Variants in RARA observed in about 807,000 individuals in gnomAD.
RARA encodes the protein retinoic acid receptor alpha, also known as PML-DDX5-RARA fusion.
In RARA, 5 loss-of-function variants were observed where a neutral mutation model predicts 42.8. The ratio of observed to expected loss-of-function variants is 0.12; its 90% confidence interval spans 0.06 to 0.25. The LOEUF is 0.25. Among genes scored for constraint, RARA ranks in the 10% least tolerant of loss-of-function variants. The pLI is 1.00. For missense variants in RARA, 402 were observed against 628.7 expected, an observed-to-expected ratio of 0.64 and a Z score of 3.86; for synonymous variants, 256 against 259.5, an observed-to-expected ratio of 0.99 and a Z score of 0.13.
At position 40,356,906 on chromosome 17, in the gene RARA, T is replaced by C; in HGVS notation, c.*680T>C. On this transcript the variant is annotated 3_prime_UTR_variant, in exon 9 of 9. Transcript: ENST00000254066. ...GGAAGGGGCCCCCACTCTCCTTTCATGTCCCTGTGCCCCCCAGTTCTCCTC... is the reference window on the plus strand; with the variant it reads ...GGAAGGGGCCCCCACTCTCCTTTCACGTCCCTGTGCCCCCCAGTTCTCCTC... 1 of 413,392 alleles carries C rather than the reference T, an allele frequency of 2.4e-6. No homozygotes were observed. Among genetic ancestry groups the C allele is most frequent in the Non-Finnish European group, 4.5e-6 (1 of 222,586 alleles). The allele number at this position is 413,392 out of a possible 1,614,324, so 25.6% of individuals were successfully genotyped here. A position where few individuals can be genotyped will look rare whatever the true frequency, so the allele number is the denominator to read the frequency against.
At chr17:40,313,823 C>G (rs146684104) in intron 1 of RARA, among the ~76,000 whole-genome samples, 1 of 152,214 alleles carries the variant, frequency 6.6e-6, no homozygotes, top group African/African-American at 2.4e-5. Flanking sequence ...GCTGATTTAT[C>G]ATACCCCCCA....
Position 40,351,994 on chromosome 17 carries a change from G to C in RARA, c.554G>C (p.Gly185Ala). 1 of 1,603,618 alleles carries C rather than the reference G, an allele frequency of 6.2e-7. No individual in the cohort carries two copies. The highest frequency in any genetic ancestry group is 8.5e-7 in the Non-Finnish European group (1 of 1,176,818). Residue 185 changes from glycine to alanine, a missense_variant, in exon 5 of 9, where the codon GGG becomes GCG. By Grantham distance (60) the Gly-to-Ala change is moderately conservative (BLOSUM62 0). This residue lies in a region of RARA where 130 missense variants were observed against 267.9 expected (regional missense o/e 0.49). Transcript: ENST00000254066. The surrounding 1 kb of genome is among the most constrained non-coding windows in gnomAD (Gnocchi z 4.1). ...AGCTACACGCTGACGCCGGAGGTGG[G>C]GGAGCTCATTGAGAAGGTGCGCAAA... ...SESYTLTPEV[G>A]ELIEKVRKAH... is the part of the protein sequence containing the mutation.
rs564112790 is a variant in RARA, at chr17:40,345,775, C to A, written c.179-2541C>A. Among the ~76,000 whole-genome samples, 75 of 152,322 alleles carry A rather than the reference C, an allele frequency of 4.9e-4. No homozygotes were observed. Among genetic ancestry groups the A allele is most frequent in the Non-Finnish European group, 9.7e-4 (66 of 68,016 alleles). On this transcript the variant is annotated intron_variant, in intron 2 of 8. Transcript: ENST00000254066. The surrounding 1 kb of genome is among the most constrained non-coding windows in gnomAD (Gnocchi z 4.8). Reference sequence around the variant, plus strand: ...TCCCTCCCCCGTTGGTGTCCCTCCCCACTCCACCTGTGTGTGCAGGGAGTT... The same window carrying A: ...TCCCTCCCCCGTTGGTGTCCCTCCCAACTCCACCTGTGTGTGCAGGGAGTT...
intron 2 of RARA, among the ~76,000 whole-genome samples, chr17:40,332,040 G>C (rs2033708198): frequency 6.6e-6 from 1 of 152,228 alleles, no homozygotes; most frequent in South Asian, 2.1e-4. Context: ...GGTCTTGGCA[G>C]GGCCTGTGTT....
In RARA at chr17:40,352,076, G is replaced by T. The variant is rs746638447; in HGVS notation, c.630+6G>T. ...AGCTGGGCAAATACACTACGGTATG[G>T]CTTTCCCCCGGCCTGCAGGGTGGGA... On this transcript the variant is annotated splice_donor_region_variant and intron_variant, in intron 5 of 8. Transcript: ENST00000254066. The surrounding 1 kb of genome is among the most constrained non-coding windows in gnomAD (Gnocchi z 4.9). The T allele has an allele frequency of 5.1e-6, 8 of 1,558,576 alleles. No homozygotes were observed. The South Asian group carries it at 8.4e-5, about 16-fold the overall frequency.
chr17:40,349,615 C>A, intron 3 of RARA, 169 bp from the exon 4 acceptor site: 1 of 775,804 alleles, frequency 1.3e-6, no homozygotes. Context: ...GAGGAGGATC[C>A]TTTTAGGTGA....
In RARA at chr17:40,355,145, TG is replaced by T. The variant is rs995625212; in HGVS notation, c.1013-114del. 7.8e-7 allele frequency: 1 copy of T among 1,282,282 alleles called. No homozygotes were observed. The highest frequency in any genetic ancestry group is 1.1e-6 in the Non-Finnish European group (1 of 948,560). 79.4% of individuals were successfully genotyped at this position (1,282,282 alleles called of 1,614,324 possible). On this transcript the variant is annotated intron_variant, in intron 7 of 8. Coordinates refer to ENST00000254066, the MANE Select transcript of RARA (RefSeq NM_000964.4). This position sits in a 1 kb window ranked among gnomAD's most constrained non-coding sequence, Gnocchi z 4.1. ...CAGAGACCCCATGCCCTGCCCTGTG[TG>T]GGGAGGCGCCTGCGAGCTGCCCTCC... is the stretch of plus-strand genomic sequence containing the variant.
Position 40,351,945 on chromosome 17 carries a change from G to T in RARA, c.505G>T (p.Val169Leu), listed in dbSNP as rs1437236573. 1 of 1,612,466 alleles carries T rather than the reference G, an allele frequency of 6.2e-7. No individual in the cohort carries two copies. Among genetic ancestry groups the T allele is most frequent in the Non-Finnish European group, 8.5e-7 (1 of 1,179,458 alleles). The part of the protein sequence containing the change: ...RNDRNKKKKE[V>L]PKPECSESYT... ...CGACCGAAACAAGAAGAAGAAGGAGGTGCCCAAGCCCGAGTGCTCTGAGAG... is the reference window on the plus strand; with the variant it reads ...CGACCGAAACAAGAAGAAGAAGGAGTTGCCCAAGCCCGAGTGCTCTGAGAG... The change falls in exon 5 of 9, where the codon GTG becomes TTG. Residue 169 changes from valine to leucine, a missense_variant. Val to Leu is a conservative substitution (Grantham distance 32). Transcript: ENST00000254066. This position sits in a 1 kb window ranked among gnomAD's most constrained non-coding sequence, Gnocchi z 4.1.
intron 1 of RARA, among the ~76,000 whole-genome samples, chr17:40,319,300 G>A (rs1473036812): frequency 6.6e-6 from 1 of 152,064 alleles, no homozygotes; most frequent in Non-Finnish European, 1.5e-5. Flanking sequence ...GTGGGGATGG[G>A]GACCAACTAA....
chr17:40,350,080 G>C, intron 4 of RARA, 155 bp downstream of exon 4: 1 of 1,215,296 alleles, frequency 8.2e-7, no homozygotes. Flanking sequence ...TTTGTGTGTA[G>C]CTGCAAGGAC....
chr17:40,342,569 C>T (rs2034103578), intron 2 of RARA: 2 of 1,378,288 alleles, frequency 1.5e-6, no homozygotes, highest in Middle Eastern at 2.7e-4. Flanking sequence ...GGGGGCGCCC[C>T]CTGCCCGGGT....
chr17:40,319,742 C>A lies in RARA; in HGVS notation c.-363+10456C>A, dbSNP rs2033319418. ...TCAGGCCCCAAACTCTCCTACAGGG[C>A]TCCATGAAGAGGCTGTGCCGGGGAA... On this transcript the variant is annotated intron_variant, in intron 1 of 8. Coordinates refer to ENST00000254066, the MANE Select transcript of RARA (RefSeq NM_000964.4). 2.0e-5 allele frequency among the ~76,000 whole-genome samples: 3 copies of A among 152,230 alleles called. No individual in the cohort carries two copies. The South Asian group carries it at 6.2e-4, about 31-fold the overall frequency.
intron 1 of RARA, among the ~76,000 whole-genome samples, chr17:40,312,465 C>G (rs945046117): frequency 6.6e-6 from 1 of 152,236 alleles, no homozygotes; most frequent in Non-Finnish European, 1.5e-5. Flanking sequence ...CTTTGGGCAG[C>G]TGTGGGCGAG....
At chr17:40,334,708 T>C (rs188694688) in intron 2 of RARA, among the ~76,000 whole-genome samples, 102 of 152,310 alleles carry the variant, frequency 6.7e-4, no homozygotes, top group African/African-American at 2.4e-3. Flanking sequence ...CATACCCTTT[T>C]TGTAGGAATT....
chr17:40,344,657 C>T (rs1390228068), intron 2 of RARA, among the ~76,000 whole-genome samples: 1 of 152,208 alleles, frequency 6.6e-6, no homozygotes, highest in African/African-American at 2.4e-5. Context: ...AGACCTGTCC[C>T]CACATCCATT....
intron 1 of RARA, among the ~76,000 whole-genome samples, chr17:40,330,104 C>T (rs2033652227): frequency 6.6e-6 from 1 of 152,196 alleles, no homozygotes; most frequent in African/African-American, 2.4e-5. Flanking sequence ...TCATCTTCTG[C>T]CCACCTCCCA....
At chr17:40,342,921 G>T in intron 2 of RARA, 4 of 1,562,872 alleles carry the variant, frequency 2.6e-6, no homozygotes, top group Non-Finnish European at 3.5e-6. Flanking sequence ...GGGCGGTAGG[G>T]CTTCCACTAC....
At chr17:40,341,352 C>T (rs1269517890) in intron 2 of RARA, 2 of 1,437,244 alleles carry the variant, frequency 1.4e-6, no homozygotes, top group African/African-American at 1.5e-5. Context: ...CAACAGCACC[C>T]GCGCTGCCGC....
rs909407267 is a variant in RARA, at chr17:40,356,779, AT to A, written c.*557del. On this transcript the variant is annotated 3_prime_UTR_variant, in exon 9 of 9. Coordinates refer to ENST00000254066, the MANE Select transcript of RARA (RefSeq NM_000964.4). ...TTTTGTTTTGATTTTTTTAATAAGA[AT>A]TTTCATTTTAAGCACATTTATACTG... 1.5e-5 allele frequency: 7 copies of A among 473,912 alleles called. No individual in the cohort carries two copies. The Admixed American group carries it at 2.0e-4, about 13-fold the overall frequency. 29.4% of individuals were successfully genotyped at this position (473,912 alleles called of 1,614,324 possible).
Sources: gnomAD v4.1 joint callset for allele counts (sites outside exome capture counted in the v4.1 genomes callset) on GRCh38, gnomAD v4.1.1 for gene constraint, gnomAD v4.1.1 regional missense constraint, Gnocchi (gnomAD v3.1) non-coding constraint, MANE v1.5 for transcripts, NCBI Gene and HGNC (gene_info 2026-07-23, HGNC 2026-07-21) for gene names.